Variants in KCNAB1 observed in about 807,000 individuals in gnomAD.
KCNAB1 encodes voltage-gated potassium channel subunit beta-1.
A neutral mutation model predicts 64.6 loss-of-function variants in KCNAB1; 35 were observed. The ratio of observed to expected loss-of-function variants is 0.54; its 90% CI spans 0.41 to 0.72. The LOEUF is 0.72. Ranked by LOEUF, KCNAB1 falls within the 30% of genes least tolerant of loss-of-function variation. The probability of loss-of-function intolerance (pLI) is 0.00; values close to 1 mark genes in which losing one functional copy is unlikely to be tolerated. For synonymous variants in KCNAB1, 177 were observed against 183.8 expected (o/e 0.96, Z 0.30); for missense variants, 401 against 512.9 (o/e 0.78, Z 2.11).
At chr3:156,528,692 T>C (rs1238935839) in intron 12 of KCNAB1, among the ~76,000 whole-genome samples, 1 of 152,016 alleles carries the variant, frequency 6.6e-6, no homozygotes, top group Admixed American at 6.5e-5. Context: ...GCTTGAGCAA[T>C]GTGCCCCAGA....
Position 156,124,316 on chromosome 3 carries a change from G to A in KCNAB1, c.275+3430G>A, listed in dbSNP as rs150130432. Among the ~76,000 whole-genome samples, 224 of 151,130 alleles carry A rather than the reference G, an allele frequency of 1.5e-3. 2 individuals carry two copies. Among genetic ancestry groups the A allele is most frequent in the African/African-American group, 5.2e-3 (214 of 41,192 alleles). On this transcript the variant is annotated intron_variant, in intron 1 of 13. Transcript: ENST00000490337. Reference sequence around the variant, plus strand: ...ACTGCAACCTCCGCCTCCTGGGTTCGAGCGATTCGCCTGCCTCAGACTCCC... The same window carrying A: ...ACTGCAACCTCCGCCTCCTGGGTTCAAGCGATTCGCCTGCCTCAGACTCCC...
chr3:156,373,044 A>AAGG (rs1179483032), intron 1 of KCNAB1, among the ~76,000 whole-genome samples: 6 of 152,246 alleles, frequency 3.9e-5, no homozygotes, highest in Non-Finnish European at 7.3e-5. Context: ...ATTATGTGTA[A>AAGG]ATTATAAACG....
chr3:156,207,060 C>T lies in KCNAB1; in HGVS notation c.275+86174C>T, dbSNP rs150199994. Among the ~76,000 whole-genome samples, 21 of 152,192 alleles carry T rather than the reference C, an allele frequency of 1.4e-4. No homozygotes were observed. The East Asian group carries it at 4.1e-3, about 29-fold the overall frequency. Reference sequence around the variant, plus strand: ...GTTAGATTTTGGTTTTTAAATAATACTCTATTTTGTGCCAATTATCTTCTT... The same window carrying T: ...GTTAGATTTTGGTTTTTAAATAATATTCTATTTTGTGCCAATTATCTTCTT... On this transcript the variant is annotated intron_variant, in intron 1 of 13. Transcript: ENST00000490337.
intron 1 of KCNAB1, among the ~76,000 whole-genome samples, chr3:156,211,468 T>C (rs2108394871): frequency 6.6e-6 from 1 of 152,334 alleles, no homozygotes; most frequent in South Asian, 2.1e-4. Flanking sequence ...TCAAAACAGG[T>C]AGATGCCTTT....
chr3:156,301,217 T>C (rs1166415363), intron 1 of KCNAB1, among the ~76,000 whole-genome samples: 2 of 152,170 alleles, frequency 1.3e-5, no homozygotes, highest in African/African-American at 4.8e-5. Flanking sequence ...TTTTGTTTTT[T>C]TTTTAAAATG....
At chr3:156,291,830 TC>T in intron 1 of KCNAB1, 1 of 1,595,480 alleles carries the variant, frequency 6.3e-7, no homozygotes. Flanking sequence ...AAAGCAGAAA[TC>T]CCCGCAACTG....
At chr3:156,534,678 A>T (rs1362824474) in intron 13 of KCNAB1, among the ~76,000 whole-genome samples, 1 of 152,126 alleles carries the variant, frequency 6.6e-6, no homozygotes, top group East Asian at 1.9e-4. Flanking sequence ...TTCCAGATCA[A>T]TAGGAACCCA....
chr3:156,469,849 C>G (rs561541048), intron 7 of KCNAB1, among the ~76,000 whole-genome samples: 1 of 152,130 alleles, frequency 6.6e-6, no homozygotes, highest in South Asian at 2.1e-4. Flanking sequence ...TGCAGAAAAG[C>G]AAGGACATGA....
At chr3:156,186,851 T>A (rs1479119503) in intron 1 of KCNAB1, among the ~76,000 whole-genome samples, 1 of 149,560 alleles carries the variant, frequency 6.7e-6, no homozygotes, top group African/African-American at 2.4e-5. Context: ...TTAGCATCTT[T>A]TTTTTTTTTT....
chr3:156,410,469 C>T (rs1166622884), intron 1 of KCNAB1, among the ~76,000 whole-genome samples: 6 of 152,164 alleles, frequency 3.9e-5, no homozygotes, highest in African/African-American at 1.4e-4. Context: ...TCTTGGGTCC[C>T]TCCAACATTC....
At chr3:156,155,260 G>A (rs1020355263) in intron 1 of KCNAB1, among the ~76,000 whole-genome samples, 1 of 152,132 alleles carries the variant, frequency 6.6e-6, no homozygotes, top group Non-Finnish European at 1.5e-5. Flanking sequence ...TCTCCATTGA[G>A]TGCTCACCTT....
chr3:156,179,878 T>C (rs1712691994), intron 1 of KCNAB1, among the ~76,000 whole-genome samples: 1 of 152,244 alleles, frequency 6.6e-6, no homozygotes, highest in South Asian at 2.1e-4. Context: ...TAAATCATCC[T>C]AGTGTAAGTA....
chr3:156,265,794 A>T (rs1422700310), intron 1 of KCNAB1, among the ~76,000 whole-genome samples: 1 of 152,116 alleles, frequency 6.6e-6, no homozygotes, highest in African/African-American at 2.4e-5. Context: ...GGAGATTGAG[A>T]CCATCCTGGC....
intron 1 of KCNAB1, among the ~76,000 whole-genome samples, chr3:156,240,102 G>A (rs549191514): frequency 5.9e-5 from 9 of 152,154 alleles, no homozygotes; most frequent in African/African-American, 9.7e-5. Context: ...CAATAGACAC[G>A]TTTTATGACT....
At chr3:156,202,806 AAAT>A (rs1466742894) in intron 1 of KCNAB1, among the ~76,000 whole-genome samples, 5 of 152,218 alleles carry the variant, frequency 3.3e-5, no homozygotes, top group African/African-American at 4.8e-5. Context: ...AATTCTGAAT[AAAT>A]AATATCTCAC....
chr3:156,414,946 C>G (rs538176179), intron 1 of KCNAB1, among the ~76,000 whole-genome samples: 3 of 152,316 alleles, frequency 2.0e-5, no homozygotes, highest in African/African-American at 7.2e-5. Context: ...CTAAACACCT[C>G]AGATTTCTAT....
At chr3:156,330,832 G>A (rs1723285056) in intron 1 of KCNAB1, among the ~76,000 whole-genome samples, 1 of 152,154 alleles carries the variant, frequency 6.6e-6, no homozygotes, top group South Asian at 2.1e-4. Context: ...AGGGCACGCT[G>A]CATGGCTTCT....
At chr3:156,459,742 A>G in intron 4 of KCNAB1, 85 bp from the exon 5 acceptor site, 5 of 1,020,404 alleles carry the variant, frequency 4.9e-6, no homozygotes, top group Non-Finnish European at 7.4e-6. Flanking sequence ...TGAGAGTTCA[A>G]ACAAGGAATG....
At chr3:156,532,920 T>C (rs985050704) in intron 13 of KCNAB1, among the ~76,000 whole-genome samples, 1 of 152,232 alleles carries the variant, frequency 6.6e-6, no homozygotes, top group African/African-American at 2.4e-5. Context: ...CCTGGCATCG[T>C]GCTAGGCAGT....
Sources: gnomAD v4.1 joint callset for allele counts (sites outside exome capture counted in the v4.1 genomes callset) on GRCh38, gnomAD v4.1.1 for gene constraint, MANE v1.5 for transcripts, NCBI Gene and HGNC (gene_info 2026-07-23, HGNC 2026-07-21) for gene names.